CAST: variants seen among roughly 807,000 people sequenced by gnomAD.
CAST encodes the protein calpastatin, also known as MIR583 host.
Under a neutral mutation model 119.6 loss-of-function variants are expected in CAST, and 76 were observed. The observed-to-expected ratio is 0.64, with a 90% CI of 0.53 to 0.77. CAST has a LOEUF of 0.77. Ranked by LOEUF, CAST falls within the 30% of genes least tolerant of loss-of-function variation. The pLI, the probability that CAST is intolerant of heterozygous loss-of-function variation, is 0.00. For missense variants in CAST, 953 were observed against 946.5 expected (o/e 1.01, Z -0.09); for synonymous variants, 319 against 331.6 (o/e 0.96, Z 0.41).
the CAST span, among the ~76,000 whole-genome samples, chr5:96,065,657 C>T: frequency 2.0e-5 from 3 of 152,010 alleles, no homozygotes; most frequent in South Asian, 6.2e-4. Flanking sequence ...ATAGAAATAG[C>T]ATATTTGGTA....
intron 3 of CAST, among the ~76,000 whole-genome samples, chr5:96,704,757 G>A (rs1754593643): frequency 6.6e-6 from 1 of 152,224 alleles, no homozygotes; most frequent in Admixed American, 6.5e-5. Flanking sequence ...TAGTTTTTCT[G>A]ATACATAGAA....
the CAST span, among the ~76,000 whole-genome samples, chr5:96,478,779 G>A: frequency 6.6e-6 from 1 of 152,176 alleles, no homozygotes; most frequent in African/African-American, 2.4e-5. Context: ...ATGTAGGAAG[G>A]GTCTGCACCC....
intron 1 of CAST, among the ~76,000 whole-genome samples, chr5:96,563,168 G>A (rs962299055): frequency 6.6e-6 from 1 of 152,052 alleles, no homozygotes; most frequent in African/African-American, 2.4e-5. Flanking sequence ...CCCCATTATA[G>A]TTCTTCATAA....
the CAST span, among the ~76,000 whole-genome samples, chr5:96,380,962 G>A: frequency 1.3e-5 from 2 of 152,142 alleles, no homozygotes; most frequent in African/African-American, 2.4e-5. Context: ...AGTCTACATT[G>A]TATCTTTTAA....
chr5:96,509,334 T>A, the CAST span, among the ~76,000 whole-genome samples: 2 of 152,206 alleles, frequency 1.3e-5, no homozygotes, highest in Non-Finnish European at 2.9e-5. Context: ...TTGTAAACTA[T>A]CTAGTGGTTC....
chr5:96,237,643 T>A, the CAST span, among the ~76,000 whole-genome samples: 63 of 152,256 alleles, frequency 4.1e-4, 1 homozygote, highest in African/African-American at 1.5e-3. Context: ...GTCTATATCT[T>A]CTTAATTTGA....
the CAST span, among the ~76,000 whole-genome samples, chr5:96,241,850 C>A: frequency 2.7e-5 from 4 of 149,346 alleles, no homozygotes; most frequent in African/African-American, 9.7e-5. Flanking sequence ...TTTTTGGCTG[C>A]ATAAATGTCT....
chr5:95,985,785 T>C, the CAST span, among the ~76,000 whole-genome samples: 1 of 152,192 alleles, frequency 6.6e-6, no homozygotes, highest in South Asian at 2.1e-4. Flanking sequence ...TTTTAAACCT[T>C]GGGCACGTAT....
At chr5:96,189,709 C>T in the CAST span, among the ~76,000 whole-genome samples, 2 of 152,194 alleles carry the variant, frequency 1.3e-5, no homozygotes, top group East Asian at 1.9e-4. Flanking sequence ...TGTTCTGAGA[C>T]ACTTTTTATT....
chr5:96,101,381 G>A, the CAST span, among the ~76,000 whole-genome samples: 3 of 152,184 alleles, frequency 2.0e-5, no homozygotes, highest in Admixed American at 2.0e-4. Flanking sequence ...TATGTAGAAA[G>A]TGCTCAATAA....
At chr5:96,466,044 G>A in the CAST span, among the ~76,000 whole-genome samples, 1 of 151,840 alleles carries the variant, frequency 6.6e-6, no homozygotes, top group African/African-American at 2.4e-5. Flanking sequence ...AAGACTTCTG[G>A]ACCACATTAG....
chr5:96,497,825 G>A, the CAST span, among the ~76,000 whole-genome samples: 17 of 152,194 alleles, frequency 1.1e-4, no homozygotes, highest in African/African-American at 1.7e-4. Flanking sequence ...TGTTCACTCT[G>A]ATGGTAGTTT....
chr5:96,256,804 GTTA>G, the CAST span, among the ~76,000 whole-genome samples: 1 of 151,922 alleles, frequency 6.6e-6, no homozygotes, highest in African/African-American at 2.4e-5. Context: ...TTATTTTCCT[GTTA>G]TTATTTAATC....
intron 1 of CAST, among the ~76,000 whole-genome samples, chr5:96,630,423 T>C (rs1561435276): frequency 6.6e-6 from 1 of 152,152 alleles, no homozygotes; most frequent in Non-Finnish European, 1.5e-5. Flanking sequence ...AACAAGTAAG[T>C]TACTTCTGAG....
At chr5:95,982,185 A>G in the CAST span, among the ~76,000 whole-genome samples, 3 of 152,088 alleles carry the variant, frequency 2.0e-5, no homozygotes, top group Admixed American at 6.5e-5. Context: ...ACTGTAATGC[A>G]ATATCAAAAC....
intron 1 of CAST, among the ~76,000 whole-genome samples, chr5:96,556,834 A>G (rs1352779655): frequency 2.0e-5 from 3 of 152,210 alleles, no homozygotes; most frequent in Non-Finnish European, 4.4e-5. Context: ...GCAGGCCAAC[A>G]TTCAAATCCA....
At chr5:96,087,146 A>G in the CAST span, among the ~76,000 whole-genome samples, 7 of 152,318 alleles carry the variant, frequency 4.6e-5, no homozygotes, top group East Asian at 9.6e-4. Flanking sequence ...TATAACTCTG[A>G]TATTAGACAG....
chr5:96,045,854 A>G, the CAST span, among the ~76,000 whole-genome samples: 1 of 152,176 alleles, frequency 6.6e-6, no homozygotes, highest in Non-Finnish European at 1.5e-5. Context: ...ATAGGTACAA[A>G]AAAGTTTCTC....
At position 96,726,632 on chromosome 5, in the gene CAST, G is replaced by C. The variant is rs58328123; in HGVS notation, c.271-162G>C. 4,959 of 506,446 alleles carry C rather than the reference G, an allele frequency of 9.8e-3. 195 individuals carry two copies. The highest frequency in any genetic ancestry group is 0.087 in the African/African-American group (4,455 of 51,398). 31.4% of individuals were successfully genotyped at this position (506,446 alleles called of 1,614,324 possible). On this transcript the variant is annotated intron_variant, in intron 4 of 31. Transcript: ENST00000675179. ...ACTGAAATATCTGCTTAGGACCTTA[G>C]AATGTAAGTGCCTACAGCTTCTTGG...
Sources: gnomAD v4.1 joint callset for allele counts (sites outside exome capture counted in the v4.1 genomes callset) on GRCh38, gnomAD v4.1.1 for gene constraint, MANE v1.5 for transcripts, NCBI Gene and HGNC (gene_info 2026-07-23, HGNC 2026-07-21) for gene names.